The following EIF2AK3 variants were observed in gnomAD, a reference collection of about 807,000 sequenced individuals.
The protein encoded by EIF2AK3 is eukaryotic translation initiation factor 2-alpha kinase 3.
Under a neutral mutation model 113.5 loss-of-function variants are expected in EIF2AK3, and 50 were observed. That is an observed-to-expected ratio of 0.44 (90% CI 0.35 to 0.56). EIF2AK3 has a LOEUF of 0.56. Among genes scored for constraint, EIF2AK3 ranks in the 20% least tolerant of loss-of-function variants. The pLI, the probability that EIF2AK3 is intolerant of heterozygous loss-of-function variation, is 0.00. For synonymous variants in EIF2AK3, 448 were observed against 495.4 expected (o/e 0.90, Z 1.27); for missense variants, 1,185 against 1,378.0 (o/e 0.86, Z 2.22).
intron 3 of EIF2AK3, among the ~76,000 whole-genome samples, chr2:88,595,209 A>G (rs1674988938): frequency 7.0e-6 from 1 of 141,992 alleles, no homozygotes; most frequent in Non-Finnish European, 1.6e-5. Flanking sequence ...TCTGTCTCAA[A>G]AAAAAAAAAA....
chr2:88,558,268 T>TA (rs1173097737), intron 16 of EIF2AK3, among the ~76,000 whole-genome samples: 1 of 152,198 alleles, frequency 6.6e-6, no homozygotes, highest in African/African-American at 2.4e-5. Flanking sequence ...TCTAACACAT[T>TA]ATAAAGGATT....
chr2:88,561,970 G>A (rs986924918), intron 15 of EIF2AK3, among the ~76,000 whole-genome samples: 2 of 152,200 alleles, frequency 1.3e-5, no homozygotes, highest in African/African-American at 4.8e-5. Context: ...AAATATATGA[G>A]TGTGTGGCCC....
chr2:88,575,560 C>G, intron 12 of EIF2AK3, 114 bp from the exon 13 acceptor site: 1 of 1,012,782 alleles, frequency 9.9e-7, no homozygotes, highest in East Asian at 2.5e-5. Flanking sequence ...TACCAAATGA[C>G]AACAAAACAA....
intron 2 of EIF2AK3, among the ~76,000 whole-genome samples, chr2:88,605,096 G>T: frequency 6.6e-6 from 1 of 152,108 alleles, no homozygotes; most frequent in South Asian, 2.1e-4. Context: ...ACTATAAAGT[G>T]CTACTCAAAC....
At chr2:88,606,245 A>T (rs1376293788) in intron 2 of EIF2AK3, among the ~76,000 whole-genome samples, 2 of 152,006 alleles carry the variant, frequency 1.3e-5, no homozygotes, top group South Asian at 2.1e-4. Flanking sequence ...CTCTGCCTTC[A>T]CCTAGATTAA....
At chr2:88,573,054 T>C (rs1674353779) in intron 13 of EIF2AK3, among the ~76,000 whole-genome samples, 1 of 150,500 alleles carries the variant, frequency 6.6e-6, no homozygotes, top group Non-Finnish European at 1.5e-5. Flanking sequence ...GCTCAAAGAT[T>C]TAGGTCAGAA....
intron 2 of EIF2AK3, among the ~76,000 whole-genome samples, chr2:88,611,149 C>T (rs1253489899): frequency 6.6e-6 from 1 of 152,178 alleles, no homozygotes; most frequent in Non-Finnish European, 1.5e-5. Context: ...GAGGTATATA[C>T]AAGGTGGCAA....
chr2:88,578,384 C>T (rs929958476), intron 11 of EIF2AK3, among the ~76,000 whole-genome samples: 1 of 151,820 alleles, frequency 6.6e-6, no homozygotes, highest in African/African-American at 2.4e-5. Context: ...ACTGTCTCTA[C>T]TAAAAATACA....
At chr2:88,622,934 T>C (rs1248320573) in intron 1 of EIF2AK3, among the ~76,000 whole-genome samples, 1 of 152,250 alleles carries the variant, frequency 6.6e-6, no homozygotes, top group Non-Finnish European at 1.5e-5. Context: ...AATATTTTCA[T>C]GTTATCTCAT....
chr2:88,606,438 T>TA (rs570852964), intron 2 of EIF2AK3, among the ~76,000 whole-genome samples: 77 of 152,352 alleles, frequency 5.1e-4, no homozygotes, highest in African/African-American at 1.8e-3. Context: ...AAAATTAAAT[T>TA]AAAGCACTGT....
At chr2:88,573,771 T>C (rs1674378975) in intron 13 of EIF2AK3, among the ~76,000 whole-genome samples, 2 of 152,198 alleles carry the variant, frequency 1.3e-5, no homozygotes, top group South Asian at 2.1e-4. Context: ...ATAACTTGTG[T>C]CCAAATAGCT....
chr2:88,557,698 T>C lies in EIF2AK3; in HGVS notation c.*38A>G, dbSNP rs1011109352. The C allele has an allele frequency of 4.4e-6, 7 of 1,604,254 alleles. No homozygotes were observed. The highest frequency in any genetic ancestry group is 2.7e-5 in the African/African-American group (2 of 74,734). On this transcript the variant is annotated 3_prime_UTR_variant, in exon 17 of 17. Transcript: ENST00000303236. The stretch of plus-strand genomic sequence containing the variant: ...GCATATTCTAAGAAGTAGGCTATTA[T>C]CTGCATCACCTATTAGGGTTGCTAG...
intron 2 of EIF2AK3, among the ~76,000 whole-genome samples, chr2:88,599,977 T>C (rs552700645): frequency 1.1e-4 from 16 of 152,314 alleles, no homozygotes; most frequent in Admixed American, 9.2e-4. Flanking sequence ...TCATTGACCA[T>C]ACTGAGAAAA....
Position 88,599,034 on chromosome 2 carries a change from T to C in EIF2AK3, c.439-3371A>G, listed in dbSNP as rs563158127. The stretch of plus-strand genomic sequence containing the variant: ...CACATAAGGTTTTTTTTTTTCTTTT[T>C]TGGTACCACGTTTATTGTACAACTG... On this transcript the variant is annotated intron_variant, in intron 2 of 16. Transcript: ENST00000303236. 4.6e-5 allele frequency among the ~76,000 whole-genome samples: 7 copies of C among 152,174 alleles called. No individual in the cohort carries two copies. In the South Asian group the frequency reaches 1.5e-3, roughly 32 times the overall value.
intron 2 of EIF2AK3, among the ~76,000 whole-genome samples, chr2:88,606,327 A>C (rs1675275492): frequency 6.6e-6 from 1 of 152,122 alleles, no homozygotes; most frequent in African/African-American, 2.4e-5. Context: ...AAATAAAAAA[A>C]ACAGGGCCAA....
Position 88,579,654 on chromosome 2 carries a change from T to G in EIF2AK3, c.1764-14A>C, listed in dbSNP as rs747189880. On this transcript the variant is annotated splice_polypyrimidine_tract_variant and intron_variant, in intron 10 of 16. Coordinates refer to ENST00000303236, the MANE Select transcript of EIF2AK3 (RefSeq NM_004836.7). Reference sequence around the variant, plus strand: ...TCAGTTAGATATCTTTAAAAAGAGATAAAATTTATAAAGGTTTGCAACAGT... The same window carrying G: ...TCAGTTAGATATCTTTAAAAAGAGAGAAAATTTATAAAGGTTTGCAACAGT... 2 of 1,610,528 alleles carry G rather than the reference T, an allele frequency of 1.2e-6. No homozygotes were observed. Among genetic ancestry groups the G allele is most frequent in the Non-Finnish European group, 1.7e-6 (2 of 1,177,736 alleles).
chr2:88,567,629 C>T (rs187928034), intron 14 of EIF2AK3, among the ~76,000 whole-genome samples: 6 of 152,266 alleles, frequency 3.9e-5, no homozygotes, highest in African/African-American at 7.2e-5. Flanking sequence ...TGGCACATAT[C>T]GTTCATTGGG....
chr2:88,582,734 T>G (rs1180505540), intron 10 of EIF2AK3, among the ~76,000 whole-genome samples: 3 of 152,184 alleles, frequency 2.0e-5, no homozygotes, highest in African/African-American at 7.2e-5. Context: ...TTTTCAATCT[T>G]TTCTGCCATA....
intron 1 of EIF2AK3, among the ~76,000 whole-genome samples, chr2:88,624,038 C>A (rs914356424): frequency 3.3e-5 from 5 of 151,966 alleles, no homozygotes; most frequent in African/African-American, 1.2e-4. Flanking sequence ...GTTGCCCAGG[C>A]TGGAGTGCAG....
Sources: gnomAD v4.1 joint callset for allele counts (sites outside exome capture counted in the v4.1 genomes callset) on GRCh38, gnomAD v4.1.1 for gene constraint, MANE v1.5 for transcripts, NCBI Gene and HGNC (gene_info 2026-07-23, HGNC 2026-07-21) for gene names.